The following DDIAS variants were observed in gnomAD, a reference collection of about 807,000 sequenced individuals.
DDIAS encodes DNA damage induced apoptosis suppressor.
Under a neutral mutation model 15.7 loss-of-function variants are expected in DDIAS, and 14 were observed. The ratio of observed to expected loss-of-function variants is 0.89; its 90% CI spans 0.59 to 1.39. The LOEUF (loss-of-function observed/expected upper bound fraction) is 1.39, where lower values mean the gene tolerates loss of function less well. Among genes scored for constraint, DDIAS ranks in the 40% most tolerant of loss-of-function variants. The probability of loss-of-function intolerance (pLI) is 0.00; values close to 1 mark genes in which losing one functional copy is unlikely to be tolerated. For missense variants in DDIAS, 1,035 were observed against 1,130.9 expected, an observed-to-expected ratio of 0.92 and a Z score of 1.22; for synonymous variants, 355 against 395.9, an observed-to-expected ratio of 0.90 and a Z score of 1.23.
rs752360960 is a variant in DDIAS, at chr11:82,934,066, C to G, written c.2728C>G (p.Gln910Glu). 6.2e-7 allele frequency: 1 copy of G among 1,612,460 alleles called. No homozygotes were observed. The highest frequency in any genetic ancestry group is 8.5e-7 in the Non-Finnish European group (1 of 1,179,674). Residue 910 changes from glutamine (Q) to glutamate (E), a missense_variant, in exon 6 of 6, where the codon CAA becomes GAA. Transcript: ENST00000533655. ...AAGAAAGAAACTGAAACATATTAGA[C>G]AAGGAACCAATAAAGGTTTAATTAA... ...LPRKKLKHIRQGTNKGLIKKK... is the reference protein window; with the variant it reads ...LPRKKLKHIREGTNKGLIKKK...
At chr11:82,908,243 A>C (rs543675471) in intron 1 of DDIAS, among the ~76,000 whole-genome samples, 1 of 152,336 alleles carries the variant, frequency 6.6e-6, no homozygotes, top group South Asian at 2.1e-4. Flanking sequence ...TGAGGAGCAG[A>C]AAGAAGGCCA....
chr11:82,904,762 G>C (rs908897290), intron 1 of DDIAS, among the ~76,000 whole-genome samples: 1 of 152,142 alleles, frequency 6.6e-6, no homozygotes, highest in African/African-American at 2.4e-5. Context: ...TATGAAAATG[G>C]GATGCAGAGG....
chr11:82,925,879 T>C (rs1860850193), intron 3 of DDIAS, among the ~76,000 whole-genome samples: 1 of 151,264 alleles, frequency 6.6e-6, no homozygotes, highest in African/African-American at 2.4e-5. Flanking sequence ...TCCCAGCTAA[T>C]CGGGAGGCTG....
At chr11:82,928,266 T>C (rs1307757066) in intron 3 of DDIAS, among the ~76,000 whole-genome samples, 1 of 138,126 alleles carries the variant, frequency 7.2e-6, no homozygotes, top group East Asian at 2.3e-4. Context: ...TGGTGCGATC[T>C]TGGCTGACTG....
chr11:82,914,760 C>A lies in DDIAS; in HGVS notation c.22C>A (p.Leu8Ile), dbSNP rs143540019. 2.5e-6 allele frequency: 4 copies of A among 1,607,972 alleles called. No homozygotes were observed. Among genetic ancestry groups the A allele is most frequent in the African/African-American group, 1.3e-5 (1 of 74,910 alleles). MNRRRKFLLASVLALQNS... is the reference protein window; with the variant it reads MNRRRKFILASVLALQNS... The stretch of plus-strand genomic sequence containing the variant: ...ACACATGAACAGAAGACGAAAATTT[C>A]TTCTAGCCTCAGTACTTGCTCTCCA... Residue 8 changes from leucine to isoleucine, a missense_variant, in exon 3 of 6, where the codon CTT (leucine) becomes ATT (isoleucine). Transcript: ENST00000533655.
chr11:82,909,784 A>G (rs1364418681), intron 1 of DDIAS, among the ~76,000 whole-genome samples: 1 of 152,218 alleles, frequency 6.6e-6, no homozygotes, highest in Non-Finnish European at 1.5e-5. Context: ...ATGTATATAT[A>G]AGAGTCCCAA....
intron 1 of DDIAS, among the ~76,000 whole-genome samples, chr11:82,903,134 G>A (rs1860357158): frequency 6.6e-6 from 1 of 152,214 alleles, no homozygotes; most frequent in Non-Finnish European, 1.5e-5. Context: ...GGAAAGACCA[G>A]TATAGCTGGA....
chr11:82,924,300 A>G (rs901010993), intron 3 of DDIAS, among the ~76,000 whole-genome samples: 1 of 152,144 alleles, frequency 6.6e-6, no homozygotes, highest in Non-Finnish European at 1.5e-5. Flanking sequence ...TATAGTCAGG[A>G]TATTCTTAAG....
intron 3 of DDIAS, among the ~76,000 whole-genome samples, chr11:82,921,328 G>T (rs1184504007): frequency 6.6e-6 from 1 of 152,034 alleles, no homozygotes; most frequent in Non-Finnish European, 1.5e-5. Flanking sequence ...CTGCTATTCT[G>T]TATCTTTTAA....
chr11:82,931,219 G>T (rs1860977813), intron 5 of DDIAS, among the ~76,000 whole-genome samples: 1 of 151,922 alleles, frequency 6.6e-6, no homozygotes, highest in South Asian at 2.1e-4. Context: ...CTTCAAATCA[G>T]TTTAAACAAG....
intron 1 of DDIAS, among the ~76,000 whole-genome samples, chr11:82,910,608 T>TC: frequency 3.4e-5 from 1 of 29,342 alleles, no homozygotes; most frequent in African/African-American, 2.5e-4. Flanking sequence ...CTCTCTCTCT[T>TC]TTTTTTTTTT....
Position 82,932,360 on chromosome 11 carries a change from C to T in DDIAS, c.1022C>T (p.Ser341Phe). 6.2e-7 allele frequency: 1 copy of T among 1,614,022 alleles called. No individual in the cohort carries two copies. The highest frequency in any genetic ancestry group is 1.3e-5 in the African/African-American group (1 of 75,054). The change falls in exon 6 of 6, where the codon TCT (serine) becomes TTT (phenylalanine). Residue 341 changes from serine (S) to phenylalanine (F), a missense_variant. Physicochemically the swap from Ser to Phe is radical, Grantham distance 155. Coordinates refer to ENST00000533655, the MANE Select transcript of DDIAS (RefSeq NM_145018.4). ...GGAGTTAATGACTCTAATTTATTCT[C>T]TTTGGAAATGCGAGAGCCCCTTGAG... The part of the protein sequence containing the change: ...EIGVNDSNLF[S>F]LEMREPLESS...
At chr11:82,913,169 C>T (rs1860559351) in intron 1 of DDIAS, 118 bp from the exon 2 acceptor site, 1 of 152,138 alleles carries the variant, frequency 6.6e-6, no homozygotes, top group African/African-American at 2.4e-5. Flanking sequence ...TTGCTATAAA[C>T]CTTCAATTTG....
chr11:82,904,638 G>A (rs1017964363), intron 1 of DDIAS, among the ~76,000 whole-genome samples: 22 of 152,182 alleles, frequency 1.4e-4, no homozygotes, highest in Non-Finnish European at 3.2e-4. Flanking sequence ...AGATTCTCAG[G>A]CCCTTATCCC....
chr11:82,908,050 A>G (rs993533782), intron 1 of DDIAS, among the ~76,000 whole-genome samples: 1 of 152,228 alleles, frequency 6.6e-6, no homozygotes. Context: ...AGGTGATGCC[A>G]TAGAAACTAA....
intron 5 of DDIAS, 26 bp from the exon 6 acceptor site, chr11:82,931,706 C>G: frequency 6.5e-7 from 1 of 1,545,078 alleles, no homozygotes; most frequent in Non-Finnish European, 8.7e-7. Flanking sequence ...TTTATTCTTA[C>G]TTAAATTTCT....
rs1280557166 is a variant in DDIAS, at chr11:82,933,555, A to G, written c.2217A>G (p.Leu739=). The G allele has an allele frequency of 5.0e-6, 8 of 1,614,004 alleles. No individual in the cohort carries two copies. The highest frequency in any genetic ancestry group is 1.3e-5 in the African/African-American group (1 of 74,938). ...QPSQKLSLQS[L]SDSRHSRTCS... ...CACAAAAATTATCCTTGCAAAGCCTATCTGACTCTAGGCATTCAAGAACAT... is the reference window on the plus strand; with the variant it reads ...CACAAAAATTATCCTTGCAAAGCCTGTCTGACTCTAGGCATTCAAGAACAT... Residue 739 remains leucine, a synonymous_variant, in exon 6 of 6, where the codon CTA becomes CTG. Transcript: ENST00000533655.
rs147136744 is a variant in DDIAS, at chr11:82,932,361, T to C, written c.1023T>C (p.Ser341=). ...EIGVNDSNLF[S]LEMREPLESS... is the part of the protein sequence containing the mutation. ...GAGTTAATGACTCTAATTTATTCTC[T>C]TTGGAAATGCGAGAGCCCCTTGAGT... Residue 341 remains serine, a synonymous_variant, in exon 6 of 6, where the codon TCT becomes TCC. Coordinates refer to ENST00000533655, the MANE Select transcript of DDIAS (RefSeq NM_145018.4). The C allele has an allele frequency of 2.3e-5, 37 of 1,614,020 alleles. No individual in the cohort carries two copies. In the Middle Eastern group the frequency reaches 4.9e-4, roughly 22 times the overall value.
rs111801671 is a variant in DDIAS at position 82,932,450 on chromosome 11, C to G, written c.1112C>G (p.Pro371Arg). The G allele has an allele frequency of 3.7e-6, 6 of 1,614,138 alleles. No homozygotes were observed. The highest frequency in any genetic ancestry group is 5.1e-6 in the Non-Finnish European group (6 of 1,180,030). ...AAAAATAGGTCCCAGCATGAGCTAC[C>G]ATGTTTTCAGCATCATGGTATAGAT... ...EIKNRSQHEL[P>R]CFQHHGIDTP... The change falls in exon 6 of 6, where the codon CCA becomes CGA. Residue 371 changes from proline (P) to arginine (R), a missense_variant. Coordinates refer to ENST00000533655, the MANE Select transcript of DDIAS (RefSeq NM_145018.4).
Sources: allele counts gnomAD v4.1 joint callset (sites outside exome capture counted in the v4.1 genomes callset), GRCh38; gene constraint gnomAD v4.1.1; transcripts MANE v1.5; gene names NCBI Gene and HGNC (gene_info 2026-07-23, HGNC 2026-07-21).